SPPL3: variants seen among roughly 807,000 people sequenced by gnomAD.
The protein encoded by SPPL3 is signal peptide peptidase-like 3.
Under a neutral mutation model 42.4 loss-of-function variants are expected in SPPL3, and 5 were observed. The ratio of observed to expected loss-of-function variants is 0.12; its 90% CI spans 0.06 to 0.25. The LOEUF is 0.25. Among genes scored for constraint, SPPL3 ranks in the 10% least tolerant of loss-of-function variants. The pLI is 1.00. For missense variants in SPPL3, 235 were observed against 489.0 expected, an observed-to-expected ratio of 0.48 and a Z score of 4.90; for synonymous variants, 195 against 181.8, an observed-to-expected ratio of 1.07 and a Z score of -0.58.
chr12:120,783,704 T>C lies in SPPL3; in HGVS notation c.359A>G (p.Tyr120Cys). Residue 120 changes from tyrosine (Y) to cysteine (C), a missense_variant, in exon 5 of 11, where the codon TAT becomes TGT. Around this residue, in one of 6 missense-constraint regions of SPPL3, gnomAD observed 110 missense variants for 186.2 expected, o/e 0.59. Transcript: ENST00000353487. ...FAFLLLPMCQ[Y>C]LTRPCSPQNK... ...CTGAGGTGAGCAGGGTCTTGTTAAA[T>C]ACTGGCACATCGGGAGGAGAAGAAA... The C allele has an allele frequency of 6.2e-7, 1 of 1,613,798 alleles. No individual in the cohort carries two copies.
At chr12:120,801,540 GC>G (rs1870296454) in intron 2 of SPPL3, among the ~76,000 whole-genome samples, 1 of 152,026 alleles carries the variant, frequency 6.6e-6, no homozygotes, top group Admixed American at 6.6e-5. Flanking sequence ...GATTCAGGGG[GC>G]ACAGAGGAAG....
intron 1 of SPPL3, among the ~76,000 whole-genome samples, chr12:120,814,542 A>C (rs1324525802): frequency 3.3e-5 from 5 of 152,202 alleles, no homozygotes; most frequent in Non-Finnish European, 7.3e-5. Context: ...TGTGTGACAT[A>C]ATCTTTGCAC....
At chr12:120,819,502 T>C (rs1870983330) in intron 1 of SPPL3, among the ~76,000 whole-genome samples, 1 of 152,140 alleles carries the variant, frequency 6.6e-6, no homozygotes, top group South Asian at 2.1e-4. Context: ...ATAAAAACAC[T>C]TTTTTTCCCT....
intron 1 of SPPL3, among the ~76,000 whole-genome samples, chr12:120,851,277 C>T (rs1361666994): frequency 2.6e-5 from 4 of 152,186 alleles, no homozygotes; most frequent in African/African-American, 9.7e-5. Context: ...CACTTCTCCT[C>T]CACCAGGCTG....
At chr12:120,896,139 C>CA (rs1207797171) in intron 1 of SPPL3, among the ~76,000 whole-genome samples, 5 of 152,008 alleles carry the variant, frequency 3.3e-5, no homozygotes, top group Non-Finnish European at 7.4e-5. Flanking sequence ...CCCTACAAAC[C>CA]AAGAAATGGG....
intron 1 of SPPL3, among the ~76,000 whole-genome samples, chr12:120,895,842 G>A (rs1007174283): frequency 1.3e-5 from 2 of 152,210 alleles, no homozygotes; most frequent in African/African-American, 4.8e-5. Context: ...GTCAACTAGA[G>A]ATGAAAACCA....
At chr12:120,783,640 T>C (rs1453686781) in intron 5 of SPPL3, 34 bp downstream of exon 5, 1 of 1,549,906 alleles carries the variant, frequency 6.5e-7, no homozygotes, top group South Asian at 1.2e-5. Context: ...TATATACAAG[T>C]TTATAATTTA....
chr12:120,868,472 T>C (rs4767940), intron 1 of SPPL3, among the ~76,000 whole-genome samples: 11 of 61,332 alleles, frequency 1.8e-4, no homozygotes, highest in East Asian at 1.2e-3. Flanking sequence ...TTTTCTTTTT[T>C]TTTGTTTTTG....
intron 1 of SPPL3, among the ~76,000 whole-genome samples, chr12:120,889,244 G>A (rs1401052840): frequency 5.9e-5 from 9 of 152,198 alleles, no homozygotes; most frequent in South Asian, 2.1e-4. Context: ...ATGAAAAAGC[G>A]ATAAGTAGCC....
chr12:120,826,162 A>T (rs2137013060), intron 1 of SPPL3, among the ~76,000 whole-genome samples: 1 of 152,062 alleles, frequency 6.6e-6, no homozygotes, highest in East Asian at 1.9e-4. Flanking sequence ...GCATGGTGGC[A>T]CATGTCTGTA....
intron 1 of SPPL3, among the ~76,000 whole-genome samples, chr12:120,892,155 T>C (rs1873661121): frequency 6.6e-6 from 1 of 152,194 alleles, no homozygotes; most frequent in Non-Finnish European, 1.5e-5. Flanking sequence ...AAATCCAGCA[T>C]CTAACAAATT....
At chr12:120,895,817 CA>C (rs1873783550) in intron 1 of SPPL3, among the ~76,000 whole-genome samples, 1 of 152,228 alleles carries the variant, frequency 6.6e-6, no homozygotes, top group Non-Finnish European at 1.5e-5. Context: ...AGGACTAAGA[CA>C]TGGCTAGGTC....
intron 1 of SPPL3, among the ~76,000 whole-genome samples, chr12:120,827,310 C>T (rs1871255584): frequency 6.9e-6 from 1 of 143,970 alleles, no homozygotes; most frequent in Non-Finnish European, 1.5e-5. Context: ...AATATAACTG[C>T]TGCTATAATA....
chr12:120,898,942 G>A (rs1873889859), intron 1 of SPPL3, among the ~76,000 whole-genome samples: 1 of 152,202 alleles, frequency 6.6e-6, no homozygotes, highest in Non-Finnish European at 1.5e-5. Context: ...ATGTTGAGCA[G>A]GGGTTCAATA....
At chr12:120,873,080 C>T (rs930808593) in intron 1 of SPPL3, among the ~76,000 whole-genome samples, 2 of 152,100 alleles carry the variant, frequency 1.3e-5, no homozygotes, top group Non-Finnish European at 2.9e-5. Flanking sequence ...AAACAATATA[C>T]AGTTCATATG....
At chr12:120,843,726 G>A (rs1050950904) in intron 1 of SPPL3, among the ~76,000 whole-genome samples, 1 of 152,182 alleles carries the variant, frequency 6.6e-6, no homozygotes, top group Non-Finnish European at 1.5e-5. Flanking sequence ...GCTGAGGTGG[G>A]TGGATCGCTT....
At position 120,764,995 on chromosome 12, in the gene SPPL3, T is replaced by G; in HGVS notation, c.*4A>C. 1 of 1,613,796 alleles carries G rather than the reference T, an allele frequency of 6.2e-7. No individual in the cohort carries two copies. The highest frequency in any genetic ancestry group is 8.5e-7 in the Non-Finnish European group (1 of 1,179,844). On this transcript the variant is annotated 3_prime_UTR_variant, in exon 11 of 11. Coordinates refer to ENST00000353487, the MANE Select transcript of SPPL3 (RefSeq NM_139015.5). ...GGCCATCTGGTCACTTTCCACGTGA[T>G]CCATCATACTTCCAGGAATCGGGAG... is the stretch of plus-strand genomic sequence containing the variant.
chr12:120,862,227 T>C (rs938861726), intron 1 of SPPL3, among the ~76,000 whole-genome samples: 2 of 152,228 alleles, frequency 1.3e-5, no homozygotes, highest in Non-Finnish European at 2.9e-5. Flanking sequence ...AAATTACACA[T>C]ATTTCTATGA....
intron 2 of SPPL3, among the ~76,000 whole-genome samples, chr12:120,799,865 G>A (rs909053): frequency 0.41 from 62,524 of 151,952 alleles, 14,422 homozygotes; most frequent in Admixed American, 0.56. Context: ...ACTGGGGTCC[G>A]GTAAAGTTAC....
Sources: gnomAD v4.1 joint callset for allele counts (sites outside exome capture counted in the v4.1 genomes callset) on GRCh38, gnomAD v4.1.1 for gene constraint, gnomAD v4.1.1 regional missense constraint, MANE v1.5 for transcripts, NCBI Gene and HGNC (gene_info 2026-07-23, HGNC 2026-07-21) for gene names.